SH3KBP1: variants seen among roughly 807,000 people sequenced by gnomAD.
SH3KBP1 encodes the protein SH3 domain containing kinase binding protein 1, also known as SH3 domain-containing kinase-binding protein 1.
Under a neutral mutation model 50.1 loss-of-function variants are expected in SH3KBP1, and 8 were observed. The ratio of observed to expected loss-of-function variants is 0.16; its 90% CI spans 0.09 to 0.29. SH3KBP1 has a LOEUF of 0.29. SH3KBP1 is among the 10% of genes least tolerant of loss of function. The probability of loss-of-function intolerance (pLI) is 1.00; values close to 1 mark genes in which losing one functional copy is unlikely to be tolerated. For synonymous variants in SH3KBP1, 227 were observed against 218.6 expected, an observed-to-expected ratio of 1.04 and a Z score of -0.34; for missense variants, 377 against 535.2, an observed-to-expected ratio of 0.70 and a Z score of 2.92.
At chrX:19,766,410 C>G (rs1175534939) in intron 2 of SH3KBP1, among the ~76,000 whole-genome samples, 2 of 103,784 alleles carry the variant, frequency 1.9e-5, no homozygotes, top group African/African-American at 7.1e-5. Flanking sequence ...TGGATATTAA[C>G]CCCTTATCAG....
chrX:19,668,966 ATATATATATT>A (rs2062705316), intron 6 of SH3KBP1, among the ~76,000 whole-genome samples: 1 of 52,552 alleles, frequency 1.9e-5, no homozygotes, highest in Non-Finnish European at 3.3e-5. Flanking sequence ...ATATATATAT[ATATATATATT>A]TTTTGAGACA....
At chrX:19,728,257 A>T (rs1455377240) in intron 3 of SH3KBP1, among the ~76,000 whole-genome samples, 1 of 111,592 alleles carries the variant, frequency 9.0e-6, no homozygotes, top group Non-Finnish European at 1.9e-5. Flanking sequence ...AAATGCTCCA[A>T]TGAGCATTTT....
At chrX:19,536,843 G>T (rs774356942) in intron 17 of SH3KBP1, among the ~76,000 whole-genome samples, 1 of 111,913 alleles carries the variant, frequency 8.9e-6, no homozygotes, top group Non-Finnish European at 1.9e-5. Flanking sequence ...CAAAATGATG[G>T]CAAGCAGCTA....
At chrX:19,758,143 T>C (rs1442388969) in intron 2 of SH3KBP1, among the ~76,000 whole-genome samples, 4 of 108,780 alleles carry the variant, frequency 3.7e-5, no homozygotes, top group African/African-American at 1.0e-4. Flanking sequence ...CTGGCCAACA[T>C]GGTGAAACTC....
intron 2 of SH3KBP1, among the ~76,000 whole-genome samples, chrX:19,798,288 T>C (rs1255270206): frequency 9.1e-6 from 1 of 109,729 alleles, no homozygotes; most frequent in Non-Finnish European, 1.9e-5. Context: ...GGTCTCACCA[T>C]GTTGCCCAGG....
chrX:19,627,164 G>T (rs943856902), intron 8 of SH3KBP1, among the ~76,000 whole-genome samples: 6 of 112,231 alleles, frequency 5.3e-5, no homozygotes, highest in Non-Finnish European at 1.1e-4. Flanking sequence ...TTCCTCCTAG[G>T]TTAGTGGGAG....
Position 19,586,221 on chromosome X carries a change from G to A in SH3KBP1, c.1298+2422C>T, listed in dbSNP as rs759795163. 4.5e-5 allele frequency among the ~76,000 whole-genome samples: 5 copies of A among 112,109 alleles called. No homozygotes were observed. The South Asian group carries it at 1.5e-3, about 33-fold the overall frequency. The stretch of plus-strand genomic sequence containing the variant: ...CATTTCCCCCAGGCTTGCAAAGCCT[G>A]TACCTATCCTATAACCAGAGAGTTG... On this transcript the variant is annotated intron_variant, in intron 12 of 17. Coordinates refer to ENST00000397821, the MANE Select transcript of SH3KBP1 (RefSeq NM_031892.3).
At chrX:19,588,498 TA>T in intron 12 of SH3KBP1, 144 bp downstream of exon 12, 1 of 1,204,977 alleles carries the variant, frequency 8.3e-7, no homozygotes, top group Non-Finnish European at 1.1e-6. Flanking sequence ...TGTCTTCAGA[TA>T]ATTTTGCTGG....
chrX:19,542,471 C>G (rs1021514191), intron 15 of SH3KBP1, among the ~76,000 whole-genome samples: 2 of 111,891 alleles, frequency 1.8e-5, no homozygotes, highest in Non-Finnish European at 3.8e-5. Flanking sequence ...CAACTACTTG[C>G]CAGGCACCAC....
intron 1 of SH3KBP1, among the ~76,000 whole-genome samples, chrX:19,861,306 G>A (rs2068770485): frequency 9.1e-6 from 1 of 109,693 alleles, no homozygotes; most frequent in South Asian, 3.9e-4. Flanking sequence ...GAACCCAGGA[G>A]GCAGAACTTG....
intron 5 of SH3KBP1, among the ~76,000 whole-genome samples, chrX:19,685,344 T>C (rs185651637): frequency 1.8e-5 from 2 of 112,647 alleles, no homozygotes; most frequent in Admixed American, 1.9e-4. Flanking sequence ...AGAAAGGTCA[T>C]TATAAACTGC....
chrX:19,766,937 A>G (rs1261165286), intron 2 of SH3KBP1, among the ~76,000 whole-genome samples: 1 of 111,605 alleles, frequency 9.0e-6, no homozygotes, highest in Non-Finnish European at 1.9e-5. Context: ...ATCGTAAGGT[A>G]AACACTCACA....
intron 1 of SH3KBP1, among the ~76,000 whole-genome samples, chrX:19,866,186 A>C (rs1391261488): frequency 9.0e-6 from 1 of 111,507 alleles, no homozygotes; most frequent in African/African-American, 3.3e-5. Context: ...GGGCACCCAA[A>C]TGTGCCTCTT....
rs755425476 is a variant in SH3KBP1, at chrX:19,670,846, A to AAAAAAAAAAAG, written c.726+12976_726+12977insCTTTTTTTTTT. ...TTATTACAACTCTAAAAGCAAAAAAAAAAAAAAAGAAATACCTCTTCTCCC... is the reference window on the plus strand; with the variant it reads ...TTATTACAACTCTAAAAGCAAAAAAAAAAAAAAAAAGAAAAAAAAGAAATACCTCTTCTCCC... On this transcript the variant is annotated intron_variant, in intron 6 of 17. Coordinates refer to ENST00000397821, the MANE Select transcript of SH3KBP1 (RefSeq NM_031892.3). The AAAAAAAAAAAG allele has an allele frequency of 7.9e-6, 9 of 1,135,641 alleles. No homozygotes were observed. In the African/African-American group the frequency reaches 1.6e-4, roughly 20 times the overall value. 93.6% of individuals were successfully genotyped at this position (1,135,641 alleles called of 1,213,427 possible). A position where few individuals can be genotyped will look rare whatever the true frequency, so the allele number is the denominator to read the frequency against.
At position 19,676,525 on chromosome X, in the gene SH3KBP1, C is replaced by T. The variant is rs186752675; in HGVS notation, c.726+7298G>A. Among the ~76,000 whole-genome samples, 698 of 111,109 alleles carry T rather than the reference C, an allele frequency of 6.3e-3. 7 individuals are homozygous for T. The highest frequency in any genetic ancestry group is 0.022 in the African/African-American group (667 of 30,514). The stretch of plus-strand genomic sequence containing the variant: ...TTGTTTATAACTCAACGGATAAATG[C>T]TTGAGGGGATGGATACCCCATTCTC... On this transcript the variant is annotated intron_variant, in intron 6 of 17. Transcript: ENST00000397821.
chrX:19,754,170 T>A (rs994838658), intron 2 of SH3KBP1, among the ~76,000 whole-genome samples: 3 of 111,889 alleles, frequency 2.7e-5, no homozygotes, highest in African/African-American at 9.8e-5. Context: ...AACAAGAACA[T>A]GAGAACAAGG....
chrX:19,848,301 T>A (rs1037345288), intron 1 of SH3KBP1, among the ~76,000 whole-genome samples: 1 of 111,553 alleles, frequency 9.0e-6, no homozygotes. Context: ...ACTAGGGTCA[T>A]GTCAAAACAA....
At chrX:19,887,003 C>T (rs1295292113) in intron 1 of SH3KBP1, among the ~76,000 whole-genome samples, 1 of 111,205 alleles carries the variant, frequency 9.0e-6, no homozygotes, top group Non-Finnish European at 1.9e-5. Context: ...ACAAAACTCT[C>T]CCCGCCCACC....
At chrX:19,663,710 C>G (rs945355322) in intron 6 of SH3KBP1, among the ~76,000 whole-genome samples, 3 of 111,896 alleles carry the variant, frequency 2.7e-5, no homozygotes, top group Non-Finnish European at 3.8e-5. Context: ...ATACTCCCCC[C>G]ATAGGACAAC....
Sources: gnomAD v4.1 joint callset for allele counts (sites outside exome capture counted in the v4.1 genomes callset) on GRCh38, gnomAD v4.1.1 for gene constraint, MANE v1.5 for transcripts, NCBI Gene and HGNC (gene_info 2026-07-23, HGNC 2026-07-21) for gene names.